Variants in FANCB observed in about 807,000 individuals in gnomAD.
FANCB encodes Fanconi anemia group B protein.
A neutral mutation model predicts 38.9 loss-of-function variants in FANCB; 5 were observed. That is an observed-to-expected ratio of 0.13 (90% confidence interval 0.07 to 0.27). The LOEUF (loss-of-function observed/expected upper bound fraction) is 0.27. FANCB is among the 10% of genes least tolerant of loss of function. The pLI is 1.00. For missense variants in FANCB, 573 were observed against 602.7 expected (o/e 0.95, Z 0.52); for synonymous variants, 236 against 215.4 (o/e 1.10, Z -0.84).
the FANCB span, among the ~76,000 whole-genome samples, chrX:14,729,464 T>G: frequency 8.9e-6 from 1 of 111,784 alleles, no homozygotes; most frequent in Non-Finnish European, 1.9e-5. Context: ...AAATACAATT[T>G]TTCAGACTTT....
chrX:14,732,726 GTTGA>G, the FANCB span, among the ~76,000 whole-genome samples: 2 of 111,521 alleles, frequency 1.8e-5, no homozygotes, highest in Non-Finnish European at 3.8e-5. Flanking sequence ...TTTTGATGGG[GTTGA>G]TTTTTTCCTG....
the FANCB span, chrX:14,730,098 C>A: frequency 1.7e-6 from 1 of 579,365 alleles, no homozygotes; most frequent in Non-Finnish European, 2.9e-6. Context: ...AAGCCTCCCA[C>A]ACCACCAGTT....
At chrX:14,738,986 T>C in the FANCB span, among the ~76,000 whole-genome samples, 7 of 112,334 alleles carry the variant, frequency 6.2e-5, no homozygotes, top group Non-Finnish European at 9.4e-5. Flanking sequence ...AAAAATCTAT[T>C]CAGAATTTTT....
At chrX:14,708,430 A>C in the FANCB span, among the ~76,000 whole-genome samples, 1 of 111,266 alleles carries the variant, frequency 9.0e-6, no homozygotes. Flanking sequence ...CAGGGACAGG[A>C]GGTATATGTT....
chrX:14,791,082 C>T, the FANCB span, among the ~76,000 whole-genome samples: 1 of 109,246 alleles, frequency 9.2e-6, no homozygotes, highest in Non-Finnish European at 1.9e-5. Flanking sequence ...TTTGAGAAGA[C>T]CATGAGAAAA....
the FANCB span, among the ~76,000 whole-genome samples, chrX:14,823,295 G>A: frequency 1.8e-5 from 2 of 109,869 alleles, no homozygotes; most frequent in African/African-American, 6.6e-5. Flanking sequence ...TGCTGGCCAG[G>A]ATGGTCTCAA....
chrX:14,805,810 T>C, the FANCB span, among the ~76,000 whole-genome samples: 12 of 112,025 alleles, frequency 1.1e-4, no homozygotes, highest in Non-Finnish European at 1.7e-4. Flanking sequence ...AGATCATCCA[T>C]TACATGGCCC....
At chrX:14,733,314 G>T in the FANCB span, among the ~76,000 whole-genome samples, 2 of 111,590 alleles carry the variant, frequency 1.8e-5, no homozygotes, top group Non-Finnish European at 1.9e-5. Flanking sequence ...GATGCCTCCA[G>T]CTTTGTTCTT....
the FANCB span, among the ~76,000 whole-genome samples, chrX:14,708,609 T>A: frequency 9.0e-6 from 1 of 111,584 alleles, no homozygotes; most frequent in Non-Finnish European, 1.9e-5. Context: ...GGACACAACA[T>A]CTGCCCAATT....
At chrX:14,751,517 T>C in the FANCB span, among the ~76,000 whole-genome samples, 22 of 112,264 alleles carry the variant, frequency 2.0e-4, no homozygotes, top group Admixed American at 5.6e-4. Flanking sequence ...ACATGGCTTG[T>C]GGGATGCAGG....
At chrX:14,724,350 G>C in the FANCB span, among the ~76,000 whole-genome samples, 1 of 110,574 alleles carries the variant, frequency 9.0e-6, no homozygotes, top group African/African-American at 3.3e-5. Context: ...AATAAGCCAG[G>C]CATGGTGGCT....
At chrX:14,857,206 T>C (rs1188071991) in intron 5 of FANCB, among the ~76,000 whole-genome samples, 2 of 112,228 alleles carry the variant, frequency 1.8e-5, no homozygotes, top group Non-Finnish European at 3.8e-5. Flanking sequence ...TTTCTGTATA[T>C]TTGAAAATGC....
intron 10 of FANCB, among the ~76,000 whole-genome samples, chrX:14,836,864 G>C (rs1205580817): frequency 9.0e-6 from 1 of 111,688 alleles, no homozygotes; most frequent in Non-Finnish European, 1.9e-5. Context: ...CCCTATAAGG[G>C]TGTTCCCATG....
the FANCB span, among the ~76,000 whole-genome samples, chrX:14,733,003 T>C: frequency 1.8e-5 from 2 of 112,566 alleles, no homozygotes; most frequent in Non-Finnish European, 3.7e-5. Context: ...AGGGCTTTTA[T>C]GGTTTTAGGT....
chrX:14,809,773 C>T, the FANCB span, among the ~76,000 whole-genome samples: 1 of 112,855 alleles, frequency 8.9e-6, no homozygotes, highest in Non-Finnish European at 1.9e-5. Flanking sequence ...AACAAAAAGA[C>T]AGCAGTAACC....
At chrX:14,716,248 A>T in the FANCB span, among the ~76,000 whole-genome samples, 2 of 111,554 alleles carry the variant, frequency 1.8e-5, no homozygotes, top group East Asian at 5.6e-4. Context: ...AAATTCAGAA[A>T]ATGGCCAAAT....
the FANCB span, among the ~76,000 whole-genome samples, chrX:14,813,152 G>C: frequency 0.013 from 1,393 of 109,163 alleles, 11 homozygotes; most frequent in Non-Finnish European, 0.019. Flanking sequence ...ATTGGGTATT[G>C]ATGGGATGTA....
intron 5 of FANCB, among the ~76,000 whole-genome samples, chrX:14,855,011 T>C (rs1377025922): frequency 2.7e-5 from 3 of 112,210 alleles, no homozygotes; most frequent in South Asian, 3.7e-4. Flanking sequence ...TTATCACTAG[T>C]AGCTGTAGTT....
chrX:14,740,879 T>C, the FANCB span, among the ~76,000 whole-genome samples: 3 of 111,464 alleles, frequency 2.7e-5, no homozygotes, highest in Non-Finnish European at 5.6e-5. Context: ...ATTTCTACCT[T>C]ATATTTTTCA....
Sources: gnomAD v4.1 joint callset for allele counts (sites outside exome capture counted in the v4.1 genomes callset) on GRCh38, gnomAD v4.1.1 for gene constraint, MANE v1.5 for transcripts, NCBI Gene and HGNC (gene_info 2026-07-23, HGNC 2026-07-21) for gene names.